The following GALNTL6 variants were observed in gnomAD, a reference collection of about 807,000 sequenced individuals.
The protein encoded by GALNTL6 is polypeptide N-acetylgalactosaminyltransferase-like 6.
A neutral mutation model predicts 73.7 loss-of-function variants in GALNTL6; 46 were observed. The observed-to-expected ratio is 0.62, with a 90% CI of 0.49 to 0.80. The LOEUF (loss-of-function observed/expected upper bound fraction) is 0.80, where lower values mean the gene tolerates loss of function less well. Ranked by LOEUF, GALNTL6 falls within the 30% of genes least tolerant of loss-of-function variation. The pLI is 0.00. For synonymous variants in GALNTL6, 259 were observed against 263.7 expected, an observed-to-expected ratio of 0.98 and a Z score of 0.17; for missense variants, 604 against 755.0, an observed-to-expected ratio of 0.80 and a Z score of 2.34.
chr4:172,803,255 G>A (rs890961002), intron 5 of GALNTL6, among the ~76,000 whole-genome samples: 2 of 152,194 alleles, frequency 1.3e-5, no homozygotes, highest in African/African-American at 2.4e-5. Flanking sequence ...GCCACAGCAG[G>A]AGGCGAGCAG....
At chr4:172,827,931 C>A (rs774052088) in intron 7 of GALNTL6, among the ~76,000 whole-genome samples, 39 of 152,136 alleles carry the variant, frequency 2.6e-4, no homozygotes, top group Middle Eastern at 3.4e-3. Context: ...CTTCTGCTTG[C>A]ACTTTAGACA....
At chr4:172,542,737 C>T (rs1169880867) in intron 5 of GALNTL6, among the ~76,000 whole-genome samples, 1 of 152,126 alleles carries the variant, frequency 6.6e-6, no homozygotes, top group Non-Finnish European at 1.5e-5. Flanking sequence ...AGTTGTGGGA[C>T]TTAGGATTTT....
At chr4:172,193,672 C>A (rs906557395) in intron 2 of GALNTL6, among the ~76,000 whole-genome samples, 1 of 151,960 alleles carries the variant, frequency 6.6e-6, no homozygotes, top group Non-Finnish European at 1.5e-5. Flanking sequence ...ACCATCCTGG[C>A]TAACATGGTG....
At chr4:172,776,953 GA>G (rs1739108605) in intron 5 of GALNTL6, among the ~76,000 whole-genome samples, 1 of 152,102 alleles carries the variant, frequency 6.6e-6, no homozygotes, top group Admixed American at 6.5e-5. Context: ...TAAATGAAAG[GA>G]AAAATTAAGA....
chr4:172,953,971 A>G lies in GALNTL6; in HGVS notation c.1371+1713A>G, dbSNP rs576208554. Among the ~76,000 whole-genome samples the G allele has an allele frequency of 1.3e-4, 20 of 152,104 alleles. No homozygotes were observed. The South Asian group carries it at 4.0e-3, about 30-fold the overall frequency. ...GGCATGGGAAGTGAGTTCCTTCTAC[A>G]GTTTTTTTTGTTTGTTTGTTTTTTA... On this transcript the variant is annotated intron_variant, in intron 10 of 12. Transcript: ENST00000506823.
chr4:172,820,713 C>T (rs938332668), intron 7 of GALNTL6, among the ~76,000 whole-genome samples: 1 of 152,186 alleles, frequency 6.6e-6, no homozygotes, highest in African/African-American at 2.4e-5. Context: ...CCCTGCTTCT[C>T]AAGTCAAGTC....
intron 8 of GALNTL6, among the ~76,000 whole-genome samples, chr4:172,920,647 C>G (rs540400412): frequency 6.6e-6 from 1 of 152,202 alleles, no homozygotes; most frequent in South Asian, 2.1e-4. Context: ...TTATAATAAA[C>G]AACTAGTGAA....
chr4:172,844,854 A>G (rs1012717525), intron 7 of GALNTL6, among the ~76,000 whole-genome samples: 2 of 152,204 alleles, frequency 1.3e-5, no homozygotes, highest in African/African-American at 4.8e-5. Flanking sequence ...AGTTTTGCAT[A>G]GAAGCAAAAT....
intron 3 of GALNTL6, among the ~76,000 whole-genome samples, chr4:172,282,381 C>A (rs928584521): frequency 1.3e-5 from 2 of 152,122 alleles, no homozygotes; most frequent in Non-Finnish European, 2.9e-5. Flanking sequence ...TTACATGCTA[C>A]CCAGATTATC....
intron 2 of GALNTL6, among the ~76,000 whole-genome samples, chr4:172,121,591 A>G (rs1201100481): frequency 1.3e-5 from 2 of 152,178 alleles, no homozygotes; most frequent in African/African-American, 4.8e-5. Flanking sequence ...GTCTGGTCCC[A>G]CATCAGAGAC....
chr4:172,278,484 C>G (rs1738911836), intron 3 of GALNTL6, among the ~76,000 whole-genome samples: 1 of 152,076 alleles, frequency 6.6e-6, no homozygotes, highest in East Asian at 1.9e-4. Context: ...TCCTGTAAAC[C>G]TACTGTTTCA....
chr4:172,286,806 C>A (rs780572772), intron 3 of GALNTL6, among the ~76,000 whole-genome samples: 1 of 152,026 alleles, frequency 6.6e-6, no homozygotes, highest in South Asian at 2.1e-4. Flanking sequence ...AGGAAAATGG[C>A]GAGCCAAAGA....
intron 2 of GALNTL6, among the ~76,000 whole-genome samples, chr4:172,197,251 CAAG>C (rs1373722972): frequency 6.0e-5 from 9 of 150,686 alleles, no homozygotes; most frequent in African/African-American, 2.2e-4. Context: ...AATACCTCTT[CAAG>C]AAGAACTACA....
intron 12 of GALNTL6, among the ~76,000 whole-genome samples, chr4:173,027,176 G>T (rs1644142738): frequency 6.6e-6 from 1 of 152,060 alleles, no homozygotes; most frequent in African/African-American, 2.4e-5. Flanking sequence ...TAGAGACGGG[G>T]TTTCACCACG....
intron 2 of GALNTL6, among the ~76,000 whole-genome samples, chr4:171,830,854 T>C (rs1734950240): frequency 6.6e-6 from 1 of 152,164 alleles, no homozygotes; most frequent in African/African-American, 2.4e-5. Context: ...TCTTCAATTA[T>C]GCAATTTCTG....
chr4:172,322,033 A>G (rs1740776578), intron 4 of GALNTL6, among the ~76,000 whole-genome samples: 1 of 152,172 alleles, frequency 6.6e-6, no homozygotes, highest in Non-Finnish European at 1.5e-5. Context: ...GAACATTCCG[A>G]TTGGTAAGAG....
chr4:172,028,308 C>CA (rs1171851729), intron 2 of GALNTL6, among the ~76,000 whole-genome samples: 18 of 131,368 alleles, frequency 1.4e-4, no homozygotes, highest in South Asian at 4.9e-4. Context: ...ATAAAAACTT[C>CA]AAAAAAATAT....
Position 172,180,440 on chromosome 4 carries a change from C to T in GALNTL6, c.139-49216C>T, listed in dbSNP as rs577987697. ...TAGTTTTTTTTTTGCTGTGCAGAAG[C>T]TCTTTATTTTAATTCGATCCCATTT... is the stretch of plus-strand genomic sequence containing the variant. On this transcript the variant is annotated intron_variant, in intron 2 of 12. Transcript: ENST00000506823. 6.9e-4 allele frequency among the ~76,000 whole-genome samples: 105 copies of T among 151,932 alleles called. 1 individual carries two copies. The highest frequency in any genetic ancestry group is 2.4e-3 in the African/African-American group (98 of 41,468).
chr4:172,948,926 A>G (rs752113955), intron 9 of GALNTL6, among the ~76,000 whole-genome samples: 1 of 152,008 alleles, frequency 6.6e-6, no homozygotes, highest in Non-Finnish European at 1.5e-5. Context: ...TGCCTCTTTT[A>G]CTTATTGATA....
Sources: allele counts gnomAD v4.1 joint callset (sites outside exome capture counted in the v4.1 genomes callset), GRCh38; gene constraint gnomAD v4.1.1; transcripts MANE v1.5; gene names NCBI Gene and HGNC (gene_info 2026-07-23, HGNC 2026-07-21).